SERTM2: variants seen among roughly 807,000 people sequenced by gnomAD.
SERTM2 encodes serine-rich and transmembrane domain-containing protein 2.
chrX:111,515,125 A>G (rs1023008440), intron 2 of SERTM2, among the ~76,000 whole-genome samples: 4 of 111,136 alleles, frequency 3.6e-5, no homozygotes, highest in Non-Finnish European at 7.6e-5. Context: ...AAAGAGCTCA[A>G]ATTTACCAGT....
intron 2 of SERTM2, among the ~76,000 whole-genome samples, chrX:111,517,206 T>G (rs1317230211): frequency 9.0e-6 from 1 of 111,085 alleles, no homozygotes; most frequent in African/African-American, 3.3e-5. Context: ...ATGAGAGAGA[T>G]AGAACAAAAA....
chrX:111,518,934 A>T lies in SERTM2; in HGVS notation c.77A>T (p.Asp26Val). 3.4e-6 allele frequency: 1 copy of T among 297,684 alleles called. No individual in the cohort carries two copies. The highest frequency in any genetic ancestry group is 5.9e-6 in the Non-Finnish European group (1 of 170,177). The allele number at this position is 297,684 out of a possible 1,213,427, so 24.5% of individuals were successfully genotyped here. A position where few individuals can be genotyped will look rare whatever the true frequency, so the allele number is the denominator to read the frequency against. ...TTTCCCACTCTGGCAACAGAGGTTGATACCTCTTCAGACAAGTATTCCAAC... is the reference window on the plus strand; with the variant it reads ...TTTCCCACTCTGGCAACAGAGGTTGTTACCTCTTCAGACAAGTATTCCAAC... ...AHFPTLATEV[D>V]TSSDKYSNLY... The change falls in exon 3 of 3, where the codon GAT becomes GTT. Residue 26 changes from aspartate (D) to valine (V), a missense_variant. Asp to Val is a radical substitution (Grantham distance 152). Transcript: ENST00000569275.
chrX:111,522,170 T>C lies in SERTM2; in HGVS notation c.*3040T>C, dbSNP rs1389249059. The C allele has an allele frequency of 8.9e-6, 1 of 111,853 alleles. No homozygotes were observed. The highest frequency in any genetic ancestry group is 3.2e-5 in the African/African-American group (1 of 30,798). The allele number at this position is 111,853 out of a possible 1,213,427, so 9.2% of individuals were successfully genotyped here. ...GGTATAAGGGATCCATTTTAATACATTTCAATGGTTATATTTAGTAATACA... is the reference window on the plus strand; with the variant it reads ...GGTATAAGGGATCCATTTTAATACACTTCAATGGTTATATTTAGTAATACA... On this transcript the variant is annotated 3_prime_UTR_variant, in exon 3 of 3. Coordinates refer to ENST00000569275, the MANE Select transcript of SERTM2 (RefSeq NM_001354473.2).
In SERTM2 at chrX:111,518,310, A is replaced by G. The variant is rs1930351580; in HGVS notation, c.-548A>G. Reference sequence around the variant, plus strand: ...CTCCATCCTTAGGGAAGGTTCAGAAATACAGATAAACGGGGTGAAAACTCA... The same window carrying G: ...CTCCATCCTTAGGGAAGGTTCAGAAGTACAGATAAACGGGGTGAAAACTCA... On this transcript the variant is annotated 5_prime_UTR_variant, in exon 3 of 3. Transcript: ENST00000569275. 1 of 111,745 alleles carries G rather than the reference A, an allele frequency of 8.9e-6. No individual in the cohort carries two copies. Among genetic ancestry groups the G allele is most frequent in the African/African-American group, 3.3e-5 (1 of 30,752 alleles). The allele number at this position is 111,745 out of a possible 1,213,427, so 9.2% of individuals were successfully genotyped here.
chrX:111,512,013 T>G lies in SERTM2; in HGVS notation c.-865T>G. 1 of 296,745 alleles carries G rather than the reference T, an allele frequency of 3.4e-6. No homozygotes were observed. Among genetic ancestry groups the G allele is most frequent in the East Asian group, 4.7e-5 (1 of 21,060 alleles). The allele number at this position is 296,745 out of a possible 1,213,427, so 24.5% of individuals were successfully genotyped here. On this transcript the variant is annotated 5_prime_UTR_variant, in exon 2 of 3. Transcript: ENST00000569275. The stretch of plus-strand genomic sequence containing the variant: ...TATGTTCCAGCTATTCCAGAGATGT[T>G]CCTGAACAAGTTACCTGTTGGTGAA...
At position 111,522,365 on chromosome X, in the gene SERTM2, C is replaced by T. The variant is rs760370578; in HGVS notation, c.*3235C>T. 10 of 111,057 alleles carry T rather than the reference C, an allele frequency of 9.0e-5. No homozygotes were observed. Among genetic ancestry groups the T allele is most frequent in the Middle Eastern group, 9.2e-3 (2 of 218 alleles). 9.2% of individuals were successfully genotyped at this position (111,057 alleles called of 1,213,427 possible). On this transcript the variant is annotated 3_prime_UTR_variant, in exon 3 of 3. Coordinates refer to ENST00000569275, the MANE Select transcript of SERTM2 (RefSeq NM_001354473.2). ...TAATATTTAGCATGTCATTTTTGAT[C>T]CCTGGACAATAAATAATGACTGGTT...
chrX:111,516,345 G>T (rs746327773), intron 2 of SERTM2, among the ~76,000 whole-genome samples: 1 of 108,627 alleles, frequency 9.2e-6, no homozygotes, highest in Non-Finnish European at 1.9e-5. Context: ...TTTTTGGGGG[G>T]TGACACTATT....
chrX:111,517,467 T>C (rs893241723), intron 2 of SERTM2, among the ~76,000 whole-genome samples: 1 of 110,917 alleles, frequency 9.0e-6, no homozygotes, highest in African/African-American at 3.3e-5. Context: ...TAGACATTTT[T>C]CCCCAGTGTT....
chrX:111,513,224 C>A (rs1295930464), intron 2 of SERTM2, among the ~76,000 whole-genome samples: 1 of 109,054 alleles, frequency 9.2e-6, no homozygotes, highest in Non-Finnish European at 1.9e-5. Flanking sequence ...TTACTCATTT[C>A]TCACATTTCT....
chrX:111,522,154 G>A lies in SERTM2; in HGVS notation c.*3024G>A, dbSNP rs1420799814. 4 of 111,409 alleles carry A rather than the reference G, an allele frequency of 3.6e-5. No homozygotes were observed. The highest frequency in any genetic ancestry group is 1.9e-5 in the Non-Finnish European group (1 of 53,074). 9.2% of individuals were successfully genotyped at this position (111,409 alleles called of 1,213,427 possible). ...CCATACTTACTAAGTAGGTATAAGGGATCCATTTTAATACATTTCAATGGT... is the reference window on the plus strand; with the variant it reads ...CCATACTTACTAAGTAGGTATAAGGAATCCATTTTAATACATTTCAATGGT... On this transcript the variant is annotated 3_prime_UTR_variant, in exon 3 of 3. Transcript: ENST00000569275.
chrX:111,518,723 A>G lies in SERTM2; in HGVS notation c.-135A>G. The stretch of plus-strand genomic sequence containing the variant: ...TTTTCTGCTTGTGTGCTATTGCCTT[A>G]GCTCTGAGAGTGATTGGTTTTTACC... On this transcript the variant is annotated 5_prime_UTR_variant, in exon 3 of 3. Transcript: ENST00000569275. The G allele has an allele frequency of 3.4e-6, 1 of 295,512 alleles. No homozygotes were observed. Among genetic ancestry groups the G allele is most frequent in the Non-Finnish European group, 5.9e-6 (1 of 169,304 alleles). 24.4% of individuals were successfully genotyped at this position (295,512 alleles called of 1,213,427 possible).
In SERTM2 at chrX:111,520,499, T is replaced by C. The variant is rs939311873; in HGVS notation, c.*1369T>C. 1 of 111,804 alleles carries C rather than the reference T, an allele frequency of 8.9e-6. No individual in the cohort carries two copies. Among genetic ancestry groups the C allele is most frequent in the Non-Finnish European group, 1.9e-5 (1 of 53,160 alleles). The allele number at this position is 111,804 out of a possible 1,213,427, so 9.2% of individuals were successfully genotyped here. ...AGTACTCTCTCAGGAACTGTAATGA[T>C]GGTAAGAGAGAAATCAAATAGATGT... On this transcript the variant is annotated 3_prime_UTR_variant, in exon 3 of 3. Coordinates refer to ENST00000569275, the MANE Select transcript of SERTM2 (RefSeq NM_001354473.2).
Position 111,522,081 on chromosome X carries a change from A to T in SERTM2, c.*2951A>T, listed in dbSNP as rs1487666077. The T allele has an allele frequency of 8.9e-6, 1 of 111,794 alleles. No homozygotes were observed. Among genetic ancestry groups the T allele is most frequent in the Non-Finnish European group, 1.9e-5 (1 of 53,197 alleles). 9.2% of individuals were successfully genotyped at this position (111,794 alleles called of 1,213,427 possible). ...CAGCCTAACCTTTCCATCCATGCCA[A>T]ATCTGAAGCTTTGGACTCATAACTG... On this transcript the variant is annotated 3_prime_UTR_variant, in exon 3 of 3. Coordinates refer to ENST00000569275, the MANE Select transcript of SERTM2 (RefSeq NM_001354473.2).
intron 2 of SERTM2, among the ~76,000 whole-genome samples, chrX:111,514,046 A>G (rs986047668): frequency 1.8e-5 from 2 of 111,881 alleles, no homozygotes; most frequent in Non-Finnish European, 3.8e-5. Context: ...TTCCTTTAAA[A>G]TCTTGTAACT....
chrX:111,521,475 T>G lies in SERTM2; in HGVS notation c.*2345T>G, dbSNP rs930601072. On this transcript the variant is annotated 3_prime_UTR_variant, in exon 3 of 3. Coordinates refer to ENST00000569275, the MANE Select transcript of SERTM2 (RefSeq NM_001354473.2). ...TGTCATTATAATGACTCACATGGTATTTAATCTTTAGGAAAATAAACTGAA... is the reference window on the plus strand; with the variant it reads ...TGTCATTATAATGACTCACATGGTAGTTAATCTTTAGGAAAATAAACTGAA... 3 of 111,980 alleles carry G rather than the reference T, an allele frequency of 2.7e-5. No individual in the cohort carries two copies. The highest frequency in any genetic ancestry group is 3.7e-4 in the South Asian group (1 of 2,678). The allele number at this position is 111,980 out of a possible 1,213,427, so 9.2% of individuals were successfully genotyped here.
At position 111,518,195 on chromosome X, in the gene SERTM2, C is replaced by T. The variant is rs1222560272; in HGVS notation, c.-663C>T. Reference sequence around the variant, plus strand: ...TACCAGGTCTGACAACACTTTCCCTCCAGCCTACAGTGAGGGATGTCAACA... The same window carrying T: ...TACCAGGTCTGACAACACTTTCCCTTCAGCCTACAGTGAGGGATGTCAACA... On this transcript the variant is annotated 5_prime_UTR_variant, in exon 3 of 3. Coordinates refer to ENST00000569275, the MANE Select transcript of SERTM2 (RefSeq NM_001354473.2). 1.8e-5 allele frequency: 2 copies of T among 111,379 alleles called. No individual in the cohort carries two copies. The highest frequency in any genetic ancestry group is 3.8e-5 in the Non-Finnish European group (2 of 53,071). The allele number at this position is 111,379 out of a possible 1,213,427, so 9.2% of individuals were successfully genotyped here. A position where few individuals can be genotyped will look rare whatever the true frequency, so the allele number is the denominator to read the frequency against.
chrX:111,512,232 T>C (rs1185391952), intron 2 of SERTM2, 138 bp downstream of exon 2: 1 of 279,656 alleles, frequency 3.6e-6, no homozygotes, highest in Non-Finnish European at 6.3e-6. Context: ...GCTTATTACT[T>C]AATGGCTCCA....
At chrX:111,517,068 G>A (rs991924798) in intron 2 of SERTM2, among the ~76,000 whole-genome samples, 4 of 111,635 alleles carry the variant, frequency 3.6e-5, no homozygotes, top group African/African-American at 1.3e-4. Flanking sequence ...CCAATAAAAA[G>A]AAGGTTCTAG....
chrX:111,516,852 T>A (rs1324696598), intron 2 of SERTM2, among the ~76,000 whole-genome samples: 5 of 111,653 alleles, frequency 4.5e-5, no homozygotes, highest in Non-Finnish European at 1.9e-5. Flanking sequence ...CTATGAACTC[T>A]CCTTGGGTAT....
Sources: gnomAD v4.1 joint callset for allele counts (sites outside exome capture counted in the v4.1 genomes callset) on GRCh38, gnomAD v4.1.1 for gene constraint, MANE v1.5 for transcripts, NCBI Gene and HGNC (gene_info 2026-07-23, HGNC 2026-07-21) for gene names.